LRP12: variants seen among roughly 807,000 people sequenced by gnomAD.
LRP12 encodes LDL receptor related protein 12, also known as low-density lipoprotein receptor-related protein 12.
LRP12 carries 14 observed loss-of-function variants against 66.0 expected under a neutral mutation model. The ratio of observed to expected loss-of-function variants is 0.21; its 90% CI spans 0.14 to 0.33. LRP12 has a LOEUF of 0.33. Ranked by LOEUF, LRP12 falls within the 10% of genes least tolerant of loss-of-function variation. The pLI is 1.00. For missense variants in LRP12, 889 were observed against 1,053.4 expected (o/e 0.84, Z 2.16); for synonymous variants, 357 against 359.1 (o/e 0.99, Z 0.07).
At chr8:104,539,776 G>C (rs1287370145) in intron 1 of LRP12, among the ~76,000 whole-genome samples, 3 of 151,872 alleles carry the variant, frequency 2.0e-5, no homozygotes, top group African/African-American at 7.3e-5. Flanking sequence ...CAAATTATGT[G>C]AGAAGATAAA....
At chr8:104,550,210 AGACTC>A (rs1486696840) in intron 1 of LRP12, among the ~76,000 whole-genome samples, 4 of 152,180 alleles carry the variant, frequency 2.6e-5, no homozygotes, top group African/African-American at 9.7e-5. Context: ...GCAGAAAAAA[AGACTC>A]AAAGAAGAGA....
chr8:104,557,560 C>T (rs1005946224), intron 1 of LRP12, among the ~76,000 whole-genome samples: 1 of 151,336 alleles, frequency 6.6e-6, no homozygotes, highest in Non-Finnish European at 1.5e-5. Context: ...ATATACCTAA[C>T]CAAGGAGGTG....
chr8:104,553,881 A>G (rs1200297179), intron 1 of LRP12, among the ~76,000 whole-genome samples: 1 of 151,828 alleles, frequency 6.6e-6, no homozygotes, highest in Non-Finnish European at 1.5e-5. Flanking sequence ...AGTCCACTTC[A>G]CTCCCATGTT....
At chr8:104,510,503 G>A (rs1810975220) in intron 2 of LRP12, among the ~76,000 whole-genome samples, 1 of 152,128 alleles carries the variant, frequency 6.6e-6, no homozygotes, top group Admixed American at 6.5e-5. Context: ...AACTCTCGTT[G>A]CAATATAGTT....
intron 2 of LRP12, among the ~76,000 whole-genome samples, chr8:104,511,030 CTTTTTTTTTTTTTT>C (rs11350393): frequency 3.7e-5 from 2 of 54,324 alleles, no homozygotes; most frequent in African/African-American, 7.3e-5. Flanking sequence ...GGAAAAATGA[CTTTTTTTTTTTTTT>C]TTTTTTTTTT....
Position 104,509,080 on chromosome 8 carries a change from A to G in LRP12, c.137-6T>C, listed in dbSNP as rs751052269. ...CTCTGGAGTCTCTCCACAAGCTGGAAGATAGCCAAAGCAATCTTTCCTTAT... is the reference window on the plus strand; with the variant it reads ...CTCTGGAGTCTCTCCACAAGCTGGAGGATAGCCAAAGCAATCTTTCCTTAT... On this transcript the variant is annotated splice_region_variant and splice_polypyrimidine_tract_variant and intron_variant, in intron 2 of 6. Coordinates refer to ENST00000276654, the MANE Select transcript of LRP12 (RefSeq NM_013437.5). 106 of 1,611,218 alleles carry G rather than the reference A, an allele frequency of 6.6e-5. No homozygotes were observed. Among genetic ancestry groups the G allele is most frequent in the Non-Finnish European group, 9.0e-5 (106 of 1,178,558 alleles).
At chr8:104,588,085 A>ATCGAC (rs1812363015) in intron 1 of LRP12, among the ~76,000 whole-genome samples, 1 of 152,230 alleles carries the variant, frequency 6.6e-6, no homozygotes, top group South Asian at 2.1e-4. Context: ...AACCCGATCC[A>ATCGAC]TCGACTGGAA....
At chr8:104,548,213 AT>A (rs1811641974) in intron 1 of LRP12, among the ~76,000 whole-genome samples, 1 of 100,274 alleles carries the variant, frequency 1.0e-5, no homozygotes, top group Admixed American at 1.5e-4. Flanking sequence ...ATATATTTAT[AT>A]TAATATATGA....
At chr8:104,582,735 A>G (rs1812271574) in intron 1 of LRP12, among the ~76,000 whole-genome samples, 3 of 152,128 alleles carry the variant, frequency 2.0e-5, no homozygotes, top group South Asian at 2.1e-4. Context: ...TATTCATAAT[A>G]TATGTGCTTG....
intron 1 of LRP12, among the ~76,000 whole-genome samples, chr8:104,538,298 G>T (rs1811418126): frequency 6.6e-6 from 1 of 152,036 alleles, no homozygotes; most frequent in African/African-American, 2.4e-5. Context: ...CATAGTATAG[G>T]CTCCAAATAT....
intron 1 of LRP12, among the ~76,000 whole-genome samples, chr8:104,562,098 C>T (rs932421839): frequency 2.6e-5 from 4 of 152,232 alleles, no homozygotes; most frequent in African/African-American, 9.6e-5. Context: ...CAAATCCTGG[C>T]TCTAACTGTG....
chr8:104,551,173 G>T (rs1176455183), intron 1 of LRP12, among the ~76,000 whole-genome samples: 4 of 152,090 alleles, frequency 2.6e-5, no homozygotes, highest in Non-Finnish European at 5.9e-5. Flanking sequence ...TGTACCCTTT[G>T]CATGGAAAAG....
chr8:104,572,371 A>G lies in LRP12; in HGVS notation c.79+16448T>C, dbSNP rs548832346. Among the ~76,000 whole-genome samples the G allele has an allele frequency of 1.3e-4, 20 of 152,330 alleles. No individual in the cohort carries two copies. In the South Asian group the frequency reaches 1.7e-3, roughly 13 times the overall value. ...GTGTACATGTGTTAACAGTCACATA[A>G]CTGCACCAGAAAAAAAGAGAGTCAG... On this transcript the variant is annotated intron_variant, in intron 1 of 6. Transcript: ENST00000276654.
Position 104,489,655 on chromosome 8 carries a change from C to G in LRP12, c.*1018G>C, listed in dbSNP as rs1312650640. The stretch of plus-strand genomic sequence containing the variant: ...TTAAATACAACAAATAAATATGAAA[C>G]CAGCAAAGCAATTTCAAGTTGTAAT... On this transcript the variant is annotated 3_prime_UTR_variant, in exon 7 of 7. Transcript: ENST00000276654. 6.6e-6 allele frequency: 1 copy of G among 151,928 alleles called. No individual in the cohort carries two copies. Among genetic ancestry groups the G allele is most frequent in the Non-Finnish European group, 1.5e-5 (1 of 67,960 alleles). The allele number at this position is 151,928 out of a possible 1,614,324, so 9.4% of individuals were successfully genotyped here.
intron 2 of LRP12, among the ~76,000 whole-genome samples, chr8:104,512,271 C>G (rs1226588177): frequency 6.6e-6 from 1 of 152,112 alleles, no homozygotes; most frequent in African/African-American, 2.4e-5. Context: ...AAGCTGAGAT[C>G]GTGCCACTGC....
intron 1 of LRP12, among the ~76,000 whole-genome samples, chr8:104,558,428 C>A (rs1811848382): frequency 1.3e-5 from 2 of 152,074 alleles, no homozygotes; most frequent in African/African-American, 4.8e-5. Context: ...ACTGGATCCT[C>A]ATCTTTCATT....
chr8:104,504,325 T>G (rs1810873271), intron 3 of LRP12: 1 of 152,088 alleles, frequency 6.6e-6, no homozygotes, highest in South Asian at 2.1e-4. Context: ...TGAATTTTAT[T>G]GCGTATTTTC....
chr8:104,547,556 A>G (rs1332799434), intron 1 of LRP12, among the ~76,000 whole-genome samples: 15 of 127,576 alleles, frequency 1.2e-4, no homozygotes, highest in African/African-American at 4.1e-4. Context: ...ATAATTACAT[A>G]TTATATATTA....
chr8:104,566,159 T>A, intron 1 of LRP12: 3 of 592,910 alleles, frequency 5.1e-6, no homozygotes, highest in Non-Finnish European at 7.9e-6. Flanking sequence ...AGGCTGAGAA[T>A]ATTGTACACA....
Sources: allele counts gnomAD v4.1 joint callset (sites outside exome capture counted in the v4.1 genomes callset), GRCh38; gene constraint gnomAD v4.1.1; transcripts MANE v1.5; gene names NCBI Gene and HGNC (gene_info 2026-07-23, HGNC 2026-07-21).